The following HNF4G variants were observed in gnomAD, a reference collection of about 807,000 sequenced individuals.
The protein encoded by HNF4G is hepatocyte nuclear factor 4-gamma.
In HNF4G, 21 loss-of-function variants were observed where a neutral mutation model predicts 50.9. The ratio of observed to expected loss-of-function variants is 0.41; its 90% CI spans 0.29 to 0.59. The LOEUF (loss-of-function observed/expected upper bound fraction) is 0.59, where lower values mean the gene tolerates loss of function less well. Among genes scored for constraint, HNF4G ranks in the 20% least tolerant of loss-of-function variants. HNF4G has a pLI of 0.26. For synonymous variants in HNF4G, 198 were observed against 185.6 expected (o/e 1.07, Z -0.54); for missense variants, 527 against 559.4 (o/e 0.94, Z 0.58).
chr8:75,557,692 C>T (rs1028339443), intron 6 of HNF4G, among the ~76,000 whole-genome samples: 3 of 152,086 alleles, frequency 2.0e-5, no homozygotes, highest in Admixed American at 1.3e-4. Context: ...GTCATAACTC[C>T]ATAAAGCTGG....
rs1273966070 is a variant in HNF4G at position 75,558,652 on chromosome 8, A to G, written c.868A>G (p.Ile290Val). ...DDNEYACLKA[I>V]VFFDPDAKGL... ...CAATGAGTATGCTTGTTTAAAGGCAATTGTATTTTTTGATCCAGGTTGGTT... is the reference window on the plus strand; with the variant it reads ...CAATGAGTATGCTTGTTTAAAGGCAGTTGTATTTTTTGATCCAGGTTGGTT... The change falls in exon 7 of 10, where the codon ATT (isoleucine) becomes GTT (valine). Residue 290 changes from isoleucine to valine, a missense_variant. This residue lies in a region of HNF4G where 308 missense variants were observed against 301.5 expected (regional missense o/e 1.02). Coordinates refer to ENST00000396423, the MANE Select transcript of HNF4G (RefSeq NM_004133.5). The G allele has an allele frequency of 3.7e-6, 6 of 1,612,710 alleles. No individual in the cohort carries two copies. Among genetic ancestry groups the G allele is most frequent in the Non-Finnish European group, 5.1e-6 (6 of 1,179,642 alleles).
chr8:75,429,052 A>G (rs1467789959), intron 1 of HNF4G, among the ~76,000 whole-genome samples: 1 of 152,192 alleles, frequency 6.6e-6, no homozygotes, highest in Non-Finnish European at 1.5e-5. Context: ...GGCAAAATAT[A>G]AGGGACTTCG....
intron 1 of HNF4G, among the ~76,000 whole-genome samples, chr8:75,449,398 A>G (rs1811520944): frequency 6.7e-6 from 1 of 148,676 alleles, no homozygotes; most frequent in African/African-American, 2.6e-5. Flanking sequence ...TAACTAAAAA[A>G]ACAAATTTTT....
intron 1 of HNF4G, among the ~76,000 whole-genome samples, chr8:75,412,894 C>T (rs560784039): frequency 2.2e-4 from 34 of 152,098 alleles, no homozygotes; most frequent in African/African-American, 7.7e-4. Flanking sequence ...CATAAGGTGA[C>T]ACTATTATAT....
chr8:75,420,087 T>A (rs981373318), intron 1 of HNF4G, among the ~76,000 whole-genome samples: 3 of 152,186 alleles, frequency 2.0e-5, no homozygotes, highest in Non-Finnish European at 4.4e-5. Flanking sequence ...TCCCAATTTT[T>A]TGCTTAAATC....
chr8:75,558,398 C>A (rs1035066387), intron 6 of HNF4G, 120 bp from the exon 7 acceptor site: 2 of 832,996 alleles, frequency 2.4e-6, no homozygotes, highest in Non-Finnish European at 1.8e-6. Flanking sequence ...GGAAGTACAT[C>A]ACTATTCCTT....
At chr8:75,484,758 T>C (rs1226789011) in intron 1 of HNF4G, among the ~76,000 whole-genome samples, 4 of 152,238 alleles carry the variant, frequency 2.6e-5, no homozygotes, top group Non-Finnish European at 4.4e-5. Flanking sequence ...GGACATAGAA[T>C]GAGCTCAGTA....
At position 75,474,669 on chromosome 8, in the gene HNF4G, AT is replaced by A. The variant is rs908877619; in HGVS notation, c.-143-15412del. ...AGAATGATGAATAATAATAATTATT[AT>A]TTTTTTTGGAGATGGAATTATTATT... On this transcript the variant is annotated intron_variant, in intron 1 of 10. Transcript: ENST00000354370. Among the ~76,000 whole-genome samples, 36 of 151,576 alleles carry A rather than the reference AT, an allele frequency of 2.4e-4. 1 individual carries two copies. Among genetic ancestry groups the A allele is most frequent in the South Asian group, 1.5e-3 (7 of 4,744 alleles).
At chr8:75,423,906 C>T (rs1365093295) in intron 1 of HNF4G, among the ~76,000 whole-genome samples, 1 of 138,120 alleles carries the variant, frequency 7.2e-6, no homozygotes, top group Non-Finnish European at 1.5e-5. Flanking sequence ...GCACTGCAAC[C>T]TCAACTTCCC....
chr8:75,500,139 T>C (rs1812888675), intron 2 of HNF4G, among the ~76,000 whole-genome samples: 1 of 152,136 alleles, frequency 6.6e-6, no homozygotes, highest in African/African-American at 2.4e-5. Context: ...AAGGGTCTTG[T>C]ATCCAGAATA....
Position 75,565,944 on chromosome 8 carries a change from G to C in HNF4G, c.*1848G>C, listed in dbSNP as rs1807450852. ...TCTTATTTTTTGAAAATTTACTGTA[G>C]CTTCTATTTCGTGAATAAGAATGTT... On this transcript the variant is annotated 3_prime_UTR_variant, in exon 10 of 10. Coordinates refer to ENST00000396423, the MANE Select transcript of HNF4G (RefSeq NM_004133.5). 6.6e-6 allele frequency: 1 copy of C among 151,868 alleles called. No individual in the cohort carries two copies. The highest frequency in any genetic ancestry group is 2.4e-5 in the African/African-American group (1 of 41,288). 9.4% of individuals were successfully genotyped at this position (151,868 alleles called of 1,614,324 possible).
At position 75,450,010 on chromosome 8, in the gene HNF4G, T is replaced by C. The variant is rs1811549858; in HGVS notation, c.-143-40079T>C. Among the ~76,000 whole-genome samples, 4 of 152,222 alleles carry C rather than the reference T, an allele frequency of 2.6e-5. No individual in the cohort carries two copies. The South Asian group carries it at 8.3e-4, about 31-fold the overall frequency. ...ACAACAAATATCTCCCCAATCCTTT[T>C]ATTCCCCACCACCTTAGCCTCTGGT... On this transcript the variant is annotated intron_variant, in intron 1 of 10. Transcript: ENST00000354370.
At chr8:75,540,703 T>TAG (rs1806593181) in intron 1 of HNF4G, among the ~76,000 whole-genome samples, 1 of 152,068 alleles carries the variant, frequency 6.6e-6, no homozygotes, top group African/African-American at 2.4e-5. Context: ...AGACATGAGT[T>TAG]TTTTAGGGGT....
intron 9 of HNF4G, among the ~76,000 whole-genome samples, chr8:75,562,567 A>G (rs1807345620): frequency 6.6e-6 from 1 of 152,162 alleles, no homozygotes; most frequent in South Asian, 2.1e-4. Flanking sequence ...AATAAAACAC[A>G]TTAACAACAC....
intron 9 of HNF4G, 35 bp downstream of exon 9, chr8:75,560,501 T>G (rs762451934): frequency 6.3e-7 from 1 of 1,580,520 alleles, no homozygotes; most frequent in South Asian, 1.2e-5. Context: ...CCAAGATATT[T>G]CTTAATTACC....
chr8:75,431,651 G>A (rs1008692633), intron 1 of HNF4G, among the ~76,000 whole-genome samples: 1 of 152,080 alleles, frequency 6.6e-6, no homozygotes, highest in Non-Finnish European at 1.5e-5. Flanking sequence ...GCTAAGGCCC[G>A]GCACAGTGGC....
At chr8:75,519,846 G>GTC (rs1805993812) in intron 2 of HNF4G, among the ~76,000 whole-genome samples, 1 of 151,850 alleles carries the variant, frequency 6.6e-6, no homozygotes, top group Admixed American at 6.6e-5. Flanking sequence ...GAGCGTGTGT[G>GTC]TGTGTGTGTG....
chr8:75,459,142 G>T (rs1178538388), intron 1 of HNF4G, among the ~76,000 whole-genome samples: 1 of 152,122 alleles, frequency 6.6e-6, no homozygotes, highest in Admixed American at 6.6e-5. Flanking sequence ...ATAAAGGAAG[G>T]TAATTCCTAT....
chr8:75,549,933 A>T (rs1008466753), intron 3 of HNF4G, among the ~76,000 whole-genome samples: 2 of 152,162 alleles, frequency 1.3e-5, no homozygotes, highest in African/African-American at 4.8e-5. Context: ...TACAAAGGAC[A>T]TGAACTCATC....
Sources: allele counts gnomAD v4.1 joint callset (sites outside exome capture counted in the v4.1 genomes callset), GRCh38; gene constraint gnomAD v4.1.1; regional missense constraint gnomAD v4.1.1; transcripts MANE v1.5; gene names NCBI Gene and HGNC (gene_info 2026-07-23, HGNC 2026-07-21).